The following MAP2K5 variants were observed in gnomAD, a reference collection of about 807,000 sequenced individuals.
The protein encoded by MAP2K5 is mitogen-activated protein kinase kinase 5.
Under a neutral mutation model 83.1 loss-of-function variants are expected in MAP2K5, and 49 were observed. The ratio of observed to expected loss-of-function variants is 0.59; its 90% CI spans 0.47 to 0.75. MAP2K5 has a LOEUF of 0.75. Ranked by LOEUF, MAP2K5 falls within the 30% of genes least tolerant of loss-of-function variation. The probability of loss-of-function intolerance (pLI) is 0.00; values close to 1 mark genes in which losing one functional copy is unlikely to be tolerated. For missense variants in MAP2K5, 457 were observed against 557.5 expected, an observed-to-expected ratio of 0.82 and a Z score of 1.82; for synonymous variants, 202 against 191.8, an observed-to-expected ratio of 1.05 and a Z score of -0.44.
chr15:67,639,101 T>C (rs533485571), intron 9 of MAP2K5, among the ~76,000 whole-genome samples: 1 of 152,272 alleles, frequency 6.6e-6, no homozygotes, highest in South Asian at 2.1e-4. Flanking sequence ...CCAAAAGCGA[T>C]TGCAACAAAA....
intron 3 of MAP2K5, among the ~76,000 whole-genome samples, chr15:67,579,708 AC>A (rs2085138448): frequency 6.6e-6 from 1 of 151,996 alleles, no homozygotes; most frequent in Non-Finnish European, 1.5e-5. Context: ...GAAAAAAAAA[AC>A]CCTTGCTCTT....
At chr15:67,671,487 A>T (rs1359818500) in intron 13 of MAP2K5, among the ~76,000 whole-genome samples, 1 of 152,174 alleles carries the variant, frequency 6.6e-6, no homozygotes, top group Non-Finnish European at 1.5e-5. Flanking sequence ...TAGCTAAGAA[A>T]ATGTTGCTTT....
chr15:67,592,118 C>CAAAAAAAAAAAA lies in MAP2K5; in HGVS notation c.432-802_432-791dup, dbSNP rs71142384. Among the ~76,000 whole-genome samples, 14 of 117,994 alleles carry CAAAAAAAAAAAA rather than the reference C, an allele frequency of 1.2e-4. 7 individuals carry two copies. Among genetic ancestry groups the CAAAAAAAAAAAA allele is most frequent in the Admixed American group, 1.9e-4 (2 of 10,740 alleles). 77.4% of individuals were successfully genotyped at this position (117,994 alleles called of 152,430 possible). On this transcript the variant is annotated intron_variant, in intron 6 of 21. Transcript: ENST00000178640. ...GGGCAACAAGAGTGAAACTATGTCTCAAAAAAAAAAAAAAAAAGGACTTTC... is the reference window on the plus strand; with the variant it reads ...GGGCAACAAGAGTGAAACTATGTCTCAAAAAAAAAAAAAAAAAAAAAAAAAAAAAGGACTTTC...
chr15:67,734,921 AT>A (rs1019927577), intron 17 of MAP2K5, among the ~76,000 whole-genome samples: 3 of 151,928 alleles, frequency 2.0e-5, no homozygotes, highest in Non-Finnish European at 2.9e-5. Flanking sequence ...TATGCATGCA[AT>A]TTTTTTTCTA....
At position 67,542,772 on chromosome 15, in the gene MAP2K5, TCG is replaced by T. The variant is rs1242481661; in HGVS notation, c.-563_-562del. The stretch of plus-strand genomic sequence containing the variant: ...GCAGCCGCCGCCAGTCCGCGCGGCC[TCG>T]GGTGGCCGGAGCTCAGCCTGCGCGC... On this transcript the variant is annotated 5_prime_UTR_variant, in exon 1 of 22. Transcript: ENST00000178640. 4 of 156,164 alleles carry T rather than the reference TCG, an allele frequency of 2.6e-5. No homozygotes were observed. The highest frequency in any genetic ancestry group is 9.6e-5 in the African/African-American group (4 of 41,456). 9.7% of individuals were successfully genotyped at this position (156,164 alleles called of 1,614,324 possible).
intron 16 of MAP2K5, among the ~76,000 whole-genome samples, chr15:67,723,658 T>C (rs548401717): frequency 6.6e-6 from 1 of 152,312 alleles, no homozygotes; most frequent in East Asian, 1.9e-4. Context: ...TCTTTTACGA[T>C]GTGAGCTGCT....
intron 13 of MAP2K5, among the ~76,000 whole-genome samples, chr15:67,671,915 T>C (rs1170834079): frequency 4.6e-5 from 7 of 150,728 alleles, no homozygotes; most frequent in Non-Finnish European, 1.0e-4. Flanking sequence ...ATGTGGTGTT[T>C]GGTTTTTTGT....
At chr15:67,589,779 G>GTA (rs2085358160) in intron 6 of MAP2K5, among the ~76,000 whole-genome samples, 3 of 39,760 alleles carry the variant, frequency 7.5e-5, no homozygotes, top group African/African-American at 1.3e-4. Context: ...ATGTGTGTGT[G>GTA]TGTATGTGTG....
chr15:67,594,954 A>T (rs184780451), intron 7 of MAP2K5, among the ~76,000 whole-genome samples: 6 of 152,294 alleles, frequency 3.9e-5, no homozygotes, highest in Non-Finnish European at 5.9e-5. Context: ...AGGCATCAAT[A>T]AATTTCTGGG....
intron 16 of MAP2K5, among the ~76,000 whole-genome samples, chr15:67,727,218 T>C (rs997470649): frequency 3.3e-5 from 5 of 152,122 alleles, no homozygotes; most frequent in African/African-American, 1.2e-4. Context: ...GTTTATATCT[T>C]TTTGCTTTAT....
chr15:67,800,177 C>A (rs2090677739), intron 21 of MAP2K5, among the ~76,000 whole-genome samples: 1 of 152,200 alleles, frequency 6.6e-6, no homozygotes, highest in Admixed American at 6.5e-5. Flanking sequence ...TCTGTGCATC[C>A]TCCCATAAAT....
chr15:67,783,412 A>G lies in MAP2K5; in HGVS notation c.1242+10660A>G, dbSNP rs2090363066. Among the ~76,000 whole-genome samples, 1 of 152,118 alleles carries G rather than the reference A, an allele frequency of 6.6e-6. No individual in the cohort carries two copies. Among genetic ancestry groups the G allele is most frequent in the Non-Finnish European group, 1.5e-5 (1 of 68,024 alleles). On this transcript the variant is annotated intron_variant, in intron 21 of 21. Transcript: ENST00000178640. This position sits in a 1 kb window ranked among gnomAD's most constrained non-coding sequence, Gnocchi z 5.1. ...ATGCGTGAGGCATCCTCACACAGTC[A>G]TGTCTTTGCTTGTGCTGTTTTCTCA...
intron 13 of MAP2K5, among the ~76,000 whole-genome samples, chr15:67,671,610 A>G (rs949129516): frequency 2.6e-5 from 4 of 152,140 alleles, no homozygotes; most frequent in African/African-American, 9.7e-5. Flanking sequence ...TATAATAAGG[A>G]CATGTAAAGT....
At chr15:67,619,205 G>C (rs2086124164) in intron 8 of MAP2K5, among the ~76,000 whole-genome samples, 1 of 152,174 alleles carries the variant, frequency 6.6e-6, no homozygotes, top group South Asian at 2.1e-4. Flanking sequence ...AACCTGAAAA[G>C]AGAGGCATTT....
At chr15:67,628,885 C>G (rs1231336927) in intron 8 of MAP2K5, 1 of 748,462 alleles carries the variant, frequency 1.3e-6, no homozygotes, top group Non-Finnish European at 2.4e-6. Flanking sequence ...GATATGGCGG[C>G]AGTGGGGATG....
intron 9 of MAP2K5, among the ~76,000 whole-genome samples, chr15:67,635,439 T>C (rs1221864590): frequency 6.6e-6 from 1 of 152,152 alleles, no homozygotes. Flanking sequence ...CCTCCCAAAG[T>C]GCAGGGATTA....
intron 16 of MAP2K5, among the ~76,000 whole-genome samples, chr15:67,706,883 T>G (rs2088567967): frequency 6.6e-6 from 1 of 152,104 alleles, no homozygotes; most frequent in African/African-American, 2.4e-5. Flanking sequence ...ATTGTGGGGA[T>G]TCAGTAGTGA....
chr15:67,598,818 A>C (rs1034357737), intron 7 of MAP2K5, among the ~76,000 whole-genome samples: 1 of 152,188 alleles, frequency 6.6e-6, no homozygotes, highest in Non-Finnish European at 1.5e-5. Context: ...CTTAAACCTT[A>C]GTGCCACAAA....
chr15:67,726,256 T>G (rs1394426831), intron 16 of MAP2K5, among the ~76,000 whole-genome samples: 1 of 152,240 alleles, frequency 6.6e-6, no homozygotes, highest in Non-Finnish European at 1.5e-5. Context: ...AGTAGTCACT[T>G]TACGAGGTCA....
Sources: gnomAD v4.1 joint callset for allele counts (sites outside exome capture counted in the v4.1 genomes callset) on GRCh38, gnomAD v4.1.1 for gene constraint, Gnocchi (gnomAD v3.1) non-coding constraint, MANE v1.5 for transcripts, NCBI Gene and HGNC (gene_info 2026-07-23, HGNC 2026-07-21) for gene names.